Variants in TNKS observed in about 807,000 individuals in gnomAD.
TNKS encodes tankyrase, also known as poly [ADP-ribose] polymerase tankyrase-1.
TNKS carries 72 observed loss-of-function variants against 135.8 expected under a neutral mutation model. The ratio of observed to expected loss-of-function variants is 0.53; its 90% CI spans 0.44 to 0.64. TNKS has a LOEUF of 0.64. Among genes scored for constraint, TNKS ranks in the 30% least tolerant of loss-of-function variants. The probability of loss-of-function intolerance (pLI) is 0.00; values close to 1 mark genes in which losing one functional copy is unlikely to be tolerated. For missense variants in TNKS, 1,769 were observed against 1,674.0 expected (o/e 1.06, Z -0.99); for synonymous variants, 849 against 649.3 (o/e 1.31, Z -4.68).
At position 9,605,056 on chromosome 8, in the gene TNKS, T is replaced by C. The variant is rs572385927; in HGVS notation, c.899-10526T>C. Among the ~76,000 whole-genome samples, 70 of 152,220 alleles carry C rather than the reference T, an allele frequency of 4.6e-4. 1 individual carries two copies. Among genetic ancestry groups the C allele is most frequent in the African/African-American group, 1.7e-3 (69 of 41,570 alleles). ...AGTAATGAAATAAAATGAATATATT[T>C]TGAGTATACATTTTAATGAGGTTTG... On this transcript the variant is annotated intron_variant, in intron 2 of 26. Coordinates refer to ENST00000310430, the MANE Select transcript of TNKS (RefSeq NM_003747.3).
At chr8:9,612,468 G>A (rs1051645049) in intron 2 of TNKS, among the ~76,000 whole-genome samples, 1 of 152,104 alleles carries the variant, frequency 6.6e-6, no homozygotes. Flanking sequence ...CCAGGGTCAG[G>A]GGTCAGCAAA....
At chr8:9,716,049 T>C (rs189244967) in intron 11 of TNKS, among the ~76,000 whole-genome samples, 1 of 152,328 alleles carries the variant, frequency 6.6e-6, no homozygotes, top group Admixed American at 6.5e-5. Flanking sequence ...GCATAGCTAT[T>C]TTGTCATTAT....
intron 2 of TNKS, among the ~76,000 whole-genome samples, chr8:9,582,694 A>G (rs1197472993): frequency 1.3e-5 from 2 of 152,180 alleles, no homozygotes; most frequent in Non-Finnish European, 2.9e-5. Context: ...TGAGAGGATA[A>G]GCTAGTACAT....
intron 3 of TNKS, among the ~76,000 whole-genome samples, chr8:9,639,899 T>G (rs1391327433): frequency 6.6e-6 from 1 of 152,204 alleles, no homozygotes; most frequent in African/African-American, 2.4e-5. Context: ...GTGTGAAGCT[T>G]ATGTTCCAAA....
chr8:9,573,032 G>GTATATA (rs35844817), intron 1 of TNKS, among the ~76,000 whole-genome samples: 131 of 148,916 alleles, frequency 8.8e-4, no homozygotes, highest in African/African-American at 2.6e-3. Flanking sequence ...TATGTTATAT[G>GTATATA]TATATATATA....
chr8:9,710,352 A>C (rs1292025908), intron 11 of TNKS, 132 bp downstream of exon 11: 1 of 789,344 alleles, frequency 1.3e-6, no homozygotes, highest in Non-Finnish European at 2.1e-6. Context: ...ACTTAAATTC[A>C]TGGATTCTCC....
chr8:9,769,714 T>G (rs1807702884), intron 25 of TNKS, among the ~76,000 whole-genome samples: 1 of 145,878 alleles, frequency 6.9e-6, no homozygotes, highest in Non-Finnish European at 1.5e-5. Context: ...CCACCTCCCG[T>G]GTTCGTGCCA....
intron 2 of TNKS, among the ~76,000 whole-genome samples, chr8:9,601,051 A>G (rs1798996710): frequency 6.6e-6 from 1 of 152,248 alleles, no homozygotes; most frequent in Non-Finnish European, 1.5e-5. Flanking sequence ...TTGCACACAT[A>G]TTAAACAGCA....
intron 3 of TNKS, among the ~76,000 whole-genome samples, chr8:9,657,248 G>T (rs1238763426): frequency 1.6e-5 from 2 of 124,228 alleles, no homozygotes; most frequent in Non-Finnish European, 3.6e-5. Flanking sequence ...CCGGGCGGGG[G>T]GCCGACCCCC....
chr8:9,733,571 A>G (rs957891325), intron 15 of TNKS, 127 bp downstream of exon 15: 18 of 757,836 alleles, frequency 2.4e-5, no homozygotes, highest in Admixed American at 5.9e-5. Context: ...CTCATTTTCT[A>G]TTTCCCAGAA....
chr8:9,736,537 T>G (rs953078186), intron 17 of TNKS, among the ~76,000 whole-genome samples: 2 of 148,548 alleles, frequency 1.3e-5, no homozygotes, highest in Admixed American at 6.8e-5. Context: ...GGTTTTAGGT[T>G]TAACGTTTAA....
intron 3 of TNKS, among the ~76,000 whole-genome samples, chr8:9,663,126 A>C (rs1024263751): frequency 1.3e-5 from 2 of 152,210 alleles, no homozygotes; most frequent in Non-Finnish European, 2.9e-5. Flanking sequence ...GAAGCTGAAA[A>C]AGACAAGGAA....
At position 9,635,421 on chromosome 8, in the gene TNKS, C is replaced by G. The variant is rs4492383; in HGVS notation, c.994+19744C>G. Among the ~76,000 whole-genome samples, 436 of 152,278 alleles carry G rather than the reference C, an allele frequency of 2.9e-3. 2 individuals are homozygous for G. The highest frequency in any genetic ancestry group is 9.1e-3 in the African/African-American group (380 of 41,556). ...ATGCCTACTAATCAATGTGGAGGGA[C>G]TGTTGGAATTGGAAAATCACCATTT... On this transcript the variant is annotated intron_variant, in intron 3 of 26. Transcript: ENST00000310430.
In TNKS at chr8:9,776,993, C is replaced by A; in HGVS notation, c.*257C>A. 4.5e-6 allele frequency: 2 copies of A among 444,512 alleles called. No individual in the cohort carries two copies. The highest frequency in any genetic ancestry group is 3.6e-5 in the East Asian group (1 of 27,628). 27.5% of individuals were successfully genotyped at this position (444,512 alleles called of 1,614,324 possible). On this transcript the variant is annotated 3_prime_UTR_variant, in exon 27 of 27. Coordinates refer to ENST00000310430, the MANE Select transcript of TNKS (RefSeq NM_003747.3). ...CAGGCTCATTTTCATTGCAATTATC[C>A]ATTTCTAAAACAAGATTGCTTCGAT... is the stretch of plus-strand genomic sequence containing the variant.
chr8:9,666,568 A>C (rs797001818), intron 3 of TNKS, among the ~76,000 whole-genome samples: 1 of 152,184 alleles, frequency 6.6e-6, no homozygotes, highest in African/African-American at 2.4e-5. Flanking sequence ...AAAAATACAA[A>C]AATTAGCTGG....
At chr8:9,595,449 G>T (rs1055218804) in intron 2 of TNKS, among the ~76,000 whole-genome samples, 17 of 152,078 alleles carry the variant, frequency 1.1e-4, no homozygotes, top group African/African-American at 4.1e-4. Flanking sequence ...TTGTCTGCTT[G>T]TGTTCCAACT....
intron 3 of TNKS, among the ~76,000 whole-genome samples, chr8:9,648,974 G>A (rs966006348): frequency 6.6e-6 from 1 of 151,954 alleles, no homozygotes; most frequent in Non-Finnish European, 1.5e-5. Flanking sequence ...GATAGGTTTA[G>A]GGTATAGACT....
At chr8:9,627,802 C>G (rs1028163668) in intron 3 of TNKS, among the ~76,000 whole-genome samples, 2 of 152,150 alleles carry the variant, frequency 1.3e-5, no homozygotes, top group African/African-American at 2.4e-5. Context: ...AACCATAAAT[C>G]TCAAGTGTGT....
chr8:9,567,467 G>C (rs1297009129), intron 1 of TNKS, among the ~76,000 whole-genome samples: 1 of 152,160 alleles, frequency 6.6e-6, no homozygotes, highest in Non-Finnish European at 1.5e-5. Context: ...CCAGGCTGGA[G>C]CGCAGTGGCG....
Sources: allele counts gnomAD v4.1 joint callset (sites outside exome capture counted in the v4.1 genomes callset), GRCh38; gene constraint gnomAD v4.1.1; transcripts MANE v1.5; gene names NCBI Gene and HGNC (gene_info 2026-07-23, HGNC 2026-07-21).